Variants in CTTNBP2NL observed in about 807,000 individuals in gnomAD.
The protein encoded by CTTNBP2NL is CTTNBP2 N-terminal-like protein.
Under a neutral mutation model 32.5 loss-of-function variants are expected in CTTNBP2NL, and 16 were observed. The observed-to-expected ratio is 0.49, with a 90% CI of 0.33 to 0.75. The LOEUF (loss-of-function observed/expected upper bound fraction) is 0.75. Ranked by LOEUF, CTTNBP2NL falls within the 30% of genes least tolerant of loss-of-function variation. CTTNBP2NL has a pLI of 0.02. For synonymous variants in CTTNBP2NL, 298 were observed against 289.4 expected, an observed-to-expected ratio of 1.03 and a Z score of -0.30; for missense variants, 645 against 756.0, an observed-to-expected ratio of 0.85 and a Z score of 1.72.
At chr1:112,440,870 G>GT (rs1649872195) in intron 3 of CTTNBP2NL, among the ~76,000 whole-genome samples, 1 of 152,104 alleles carries the variant, frequency 6.6e-6, no homozygotes, top group South Asian at 2.1e-4. Flanking sequence ...AAAGCACACT[G>GT]TTTCGCAGGC....
intron 4 of CTTNBP2NL, 24 bp from the exon 5 acceptor site, chr1:112,454,425 T>C: frequency 1.3e-6 from 2 of 1,572,112 alleles, no homozygotes; most frequent in Non-Finnish European, 1.7e-6. Flanking sequence ...TATTTGAAAA[T>C]GAAATTTAAA....
chr1:112,396,010 C>T (rs953073579), upstream of CTTNBP2NL, among the ~76,000 whole-genome samples: 3 of 152,236 alleles, frequency 2.0e-5, no homozygotes, highest in Non-Finnish European at 4.4e-5. Flanking sequence ...GAGGGCGCTT[C>T]CTCCCGGAAG....
At chr1:112,436,735 G>A (rs999621707) in intron 3 of CTTNBP2NL, among the ~76,000 whole-genome samples, 2 of 151,924 alleles carry the variant, frequency 1.3e-5, no homozygotes, top group Non-Finnish European at 2.9e-5. Flanking sequence ...TGTCATGGGG[G>A]GTTGTTGTAC....
chr1:112,420,548 A>G (rs1301925940), intron 3 of CTTNBP2NL, among the ~76,000 whole-genome samples: 1 of 152,130 alleles, frequency 6.6e-6, no homozygotes, highest in Non-Finnish European at 1.5e-5. Context: ...AGCTCACTGC[A>G]GCCTCAACCT....
At chr1:112,394,205 T>TAC (rs1648253812), upstream of CTTNBP2NL, among the ~76,000 whole-genome samples, 1 of 73,308 alleles carries the variant, frequency 1.4e-5, no homozygotes. Flanking sequence ...TCCATCTCGA[T>TAC]AAAAAAAAAA....
upstream of CTTNBP2NL, among the ~76,000 whole-genome samples, chr1:112,391,760 C>A (rs1429458547): frequency 6.6e-6 from 1 of 152,116 alleles, no homozygotes; most frequent in Non-Finnish European, 1.5e-5. Context: ...GAGGCCGAGG[C>A]AAGTGGGTCA....
At chr1:112,428,058 C>T (rs1649455223) in intron 3 of CTTNBP2NL, among the ~76,000 whole-genome samples, 1 of 151,954 alleles carries the variant, frequency 6.6e-6, no homozygotes, top group African/African-American at 2.4e-5. Context: ...ATCCTTTAAT[C>T]TCAATTATAA....
chr1:112,395,203 C>A (rs559548889), upstream of CTTNBP2NL, among the ~76,000 whole-genome samples: 180 of 152,256 alleles, frequency 1.2e-3, no homozygotes, highest in Middle Eastern at 6.8e-3. Context: ...TATGAATATT[C>A]GTCTCAAATA....
chr1:112,453,506 T>A (rs1446430531), intron 4 of CTTNBP2NL, among the ~76,000 whole-genome samples: 4 of 151,822 alleles, frequency 2.6e-5, no homozygotes, highest in South Asian at 2.1e-4. Context: ...AATCCCAGCA[T>A]TTTGGGAGGC....
At chr1:112,410,593 G>A (rs1450219861) in intron 1 of CTTNBP2NL, among the ~76,000 whole-genome samples, 4 of 152,132 alleles carry the variant, frequency 2.6e-5, no homozygotes, top group Non-Finnish European at 4.4e-5. Flanking sequence ...CAGATAATTT[G>A]TCTACAAGTG....
rs1650450757 is a variant in CTTNBP2NL at position 112,458,551 on chromosome 1, A to G, written c.*1139A>G. On this transcript the variant is annotated 3_prime_UTR_variant, in exon 6 of 6. Coordinates refer to ENST00000271277, the MANE Select transcript of CTTNBP2NL (RefSeq NM_018704.3). ...AGTTTGCAATATAGCATAAAGGACA[A>G]GTAGAACTGCACATTAAGATTACCT... is the stretch of plus-strand genomic sequence containing the variant. The G allele has an allele frequency of 1.3e-5, 2 of 152,226 alleles. No individual in the cohort carries two copies. The highest frequency in any genetic ancestry group is 4.8e-5 in the African/African-American group (2 of 41,452). 9.4% of individuals were successfully genotyped at this position (152,226 alleles called of 1,614,324 possible). A position where few individuals can be genotyped will look rare whatever the true frequency, so the allele number is the denominator to read the frequency against.
chr1:112,415,456 C>T (rs1037642485), intron 2 of CTTNBP2NL, among the ~76,000 whole-genome samples: 19 of 151,944 alleles, frequency 1.3e-4, no homozygotes, highest in Admixed American at 7.9e-4. Context: ...TTATCTAAAA[C>T]TGGGAAATCT....
At position 112,419,966 on chromosome 1, in the gene CTTNBP2NL, G is replaced by C. The variant is rs142918560; in HGVS notation, c.99+3702G>C. 6.2e-3 allele frequency among the ~76,000 whole-genome samples: 942 copies of C among 152,312 alleles called. 9 individuals carry two copies. Among genetic ancestry groups the C allele is most frequent in the African/African-American group, 0.022 (899 of 41,560 alleles). On this transcript the variant is annotated intron_variant, in intron 3 of 5. Coordinates refer to ENST00000271277, the MANE Select transcript of CTTNBP2NL (RefSeq NM_018704.3). ...ACATGAACATAAGCTATAACTGACA[G>C]AAGTCCAATTTCTGTCTAGTTCCCA...
chr1:112,417,901 C>CT (rs1649112741), intron 3 of CTTNBP2NL, among the ~76,000 whole-genome samples: 1 of 105,250 alleles, frequency 9.5e-6, no homozygotes, highest in East Asian at 2.5e-4. Flanking sequence ...TTATTTGTAT[C>CT]GTTTTTGCTT....
chr1:112,400,593 G>A (rs1648468434), intron 1 of CTTNBP2NL, among the ~76,000 whole-genome samples: 1 of 152,178 alleles, frequency 6.6e-6, no homozygotes, highest in Non-Finnish European at 1.5e-5. Flanking sequence ...AGGAGTTTGA[G>A]ACCAGCCTGA....
chr1:112,460,714 T>C lies in CTTNBP2NL; in HGVS notation c.*3302T>C, dbSNP rs969019932. ...CTGTTGCTGCTGCAATGTTAGCAAA[T>C]GCAAGCCAGAGAGAAGCACTTGAAA... On this transcript the variant is annotated 3_prime_UTR_variant, in exon 6 of 6. Transcript: ENST00000271277. 2 of 152,234 alleles carry C rather than the reference T, an allele frequency of 1.3e-5. No homozygotes were observed. The highest frequency in any genetic ancestry group is 4.8e-5 in the African/African-American group (2 of 41,454). 9.4% of individuals were successfully genotyped at this position (152,234 alleles called of 1,614,324 possible).
chr1:112,457,196 C>T lies in CTTNBP2NL; in HGVS notation c.1704C>T (p.Ser568=), dbSNP rs1305949549. ...PLSPLSPGIK[S]PTIPRAERGN... is the part of the protein sequence containing the mutation. ...GCCCCCTGTCTCCAGGAATCAAGTC[C>T]CCAACCATCCCCAGAGCTGAGAGAG... Residue 568 remains serine, a synonymous_variant, in exon 6 of 6, where the codon TCC becomes TCT. Transcript: ENST00000271277. The T allele has an allele frequency of 6.2e-7, 1 of 1,614,182 alleles. No homozygotes were observed. Among genetic ancestry groups the T allele is most frequent in the South Asian group, 1.1e-5 (1 of 91,078 alleles).
At chr1:112,430,167 C>T (rs1370783853) in intron 3 of CTTNBP2NL, among the ~76,000 whole-genome samples, 1 of 143,858 alleles carries the variant, frequency 7.0e-6, no homozygotes, top group African/African-American at 2.6e-5. Flanking sequence ...TAGCTCTTTT[C>T]TTTCTTTTCT....
intron 2 of CTTNBP2NL, among the ~76,000 whole-genome samples, chr1:112,412,692 C>T (rs1273511869): frequency 6.9e-6 from 1 of 144,092 alleles, no homozygotes; most frequent in Non-Finnish European, 1.5e-5. Flanking sequence ...TTTCGGCTCA[C>T]TGCCATCTCC....
Sources: allele counts gnomAD v4.1 joint callset (sites outside exome capture counted in the v4.1 genomes callset), GRCh38; gene constraint gnomAD v4.1.1; transcripts MANE v1.5; gene names NCBI Gene and HGNC (gene_info 2026-07-23, HGNC 2026-07-21).